ATG4B: variants seen among roughly 807,000 people sequenced by gnomAD.
ATG4B encodes the protein cysteine protease ATG4B.
A neutral mutation model predicts 56.6 loss-of-function variants in ATG4B; 29 were observed. That is an observed-to-expected ratio of 0.51 (90% CI 0.38 to 0.70). The LOEUF is 0.70. Ranked by LOEUF, ATG4B falls within the 30% of genes least tolerant of loss-of-function variation. ATG4B has a pLI of 0.00. For missense variants in ATG4B, 461 were observed against 515.5 expected, an observed-to-expected ratio of 0.89 and a Z score of 1.02; for synonymous variants, 224 against 206.1, an observed-to-expected ratio of 1.09 and a Z score of -0.74.
chr2:241,657,776 A>G (rs2068453792), intron 6 of ATG4B, among the ~76,000 whole-genome samples: 1 of 152,080 alleles, frequency 6.6e-6, no homozygotes, highest in South Asian at 2.1e-4. Context: ...GTCATCCTAG[A>G]GTCTCTTTAG....
At chr2:241,666,350 T>G (rs2125143370) in intron 7 of ATG4B, among the ~76,000 whole-genome samples, 1 of 152,350 alleles carries the variant, frequency 6.6e-6, no homozygotes, top group East Asian at 1.9e-4. Flanking sequence ...GGTACTTCTG[T>G]GATTTTCCTC....
At chr2:241,671,249 T>C in intron 11 of ATG4B, 63 bp from the exon 12 acceptor site, 3 of 1,482,264 alleles carry the variant, frequency 2.0e-6, no homozygotes, top group Non-Finnish European at 2.8e-6. Flanking sequence ...GGCTGGCCCC[T>C]TTCTCTTGGC....
At chr2:241,671,944 C>T in intron 12 of ATG4B, 1 of 1,390,660 alleles carries the variant, frequency 7.2e-7, no homozygotes, top group South Asian at 1.6e-5. Context: ...GGGACAGAGG[C>T]CCCTCAGGCC....
intron 1 of ATG4B, among the ~76,000 whole-genome samples, chr2:241,647,241 C>G (rs1022068977): frequency 3.3e-5 from 5 of 152,072 alleles, no homozygotes; most frequent in African/African-American, 7.2e-5. Flanking sequence ...ATCTTTAGTT[C>G]AAAGCTGGTG....
rs975737263 is a variant in ATG4B at position 241,651,214 on chromosome 2, A to G, written c.113-50A>G. 3.8e-5 allele frequency: 59 copies of G among 1,562,378 alleles called. No individual in the cohort carries two copies. Among genetic ancestry groups the G allele is most frequent in the Non-Finnish European group, 5.0e-5 (58 of 1,149,688 alleles). Reference sequence around the variant, plus strand: ...ACTCTGCCATAACTTGTGACTTGCAAACTTAAGGCGTTGTGTGTGTGTGTT... The same window carrying G: ...ACTCTGCCATAACTTGTGACTTGCAGACTTAAGGCGTTGTGTGTGTGTGTT... On this transcript the variant is annotated intron_variant, in intron 2 of 12. Coordinates refer to ENST00000404914, the MANE Select transcript of ATG4B (RefSeq NM_013325.5). This position sits in a 1 kb window ranked among gnomAD's most constrained non-coding sequence, Gnocchi z 4.1.
Position 241,645,010 on chromosome 2 carries a change from AAAGT to A in ATG4B, c.11-5996_11-5993del, listed in dbSNP as rs1160653605. Among the ~76,000 whole-genome samples the A allele has an allele frequency of 2.0e-5, 3 of 152,142 alleles. No homozygotes were observed. In the East Asian group the frequency reaches 5.8e-4, roughly 29 times the overall value. On this transcript the variant is annotated intron_variant, in intron 1 of 12. Coordinates refer to ENST00000404914, the MANE Select transcript of ATG4B (RefSeq NM_013325.5). ...CAAAAAAGTTATCTTCCTCCATTAT[AAAGT>A]AAGATCTGGAAGGTCAGGGAGGTCT... is the stretch of plus-strand genomic sequence containing the variant.
At chr2:241,637,891 GTGGGCGGTGGGAGC>G in intron 1 of ATG4B, 167 bp downstream of exon 1, 1 of 550,932 alleles carries the variant, frequency 1.8e-6, no homozygotes, top group Non-Finnish European at 2.7e-6. Context: ...TTGGTGGGTG[GTGGGCGGTGGGAGC>G]GGGAGGGGGA....
In ATG4B at chr2:241,666,814, C is replaced by T. The variant is rs1257136507; in HGVS notation, c.708C>T (p.Asn236=). Residue 236 remains asparagine (N), a synonymous_variant, in exon 8 of 13, where the codon AAC becomes AAT. Coordinates refer to ENST00000404914, the MANE Select transcript of ATG4B (RefSeq NM_013325.5). ...TGCGCCTGGGGCTCACGGACATCAA[C>T]GAGGCCTACGTGGAGACGCTGAAGG... The part of the protein sequence containing the change: ...IPLRLGLTDI[N]EAYVETLKHC... The T allele has an allele frequency of 6.4e-6, 10 of 1,570,134 alleles. No individual in the cohort carries two copies. The highest frequency in any genetic ancestry group is 4.7e-5 in the East Asian group (2 of 42,192).
chr2:241,667,018 A>G (rs1480108638), intron 8 of ATG4B, among the ~76,000 whole-genome samples, 180 bp downstream of exon 8: 1 of 152,164 alleles, frequency 6.6e-6, no homozygotes, highest in African/African-American at 2.4e-5. Flanking sequence ...GTCCATCAGT[A>G]GGCACGTGCT....
At chr2:241,659,243 C>A in intron 7 of ATG4B, 56 bp downstream of exon 7, 1 of 1,493,180 alleles carries the variant, frequency 6.7e-7, no homozygotes, top group Non-Finnish European at 9.3e-7. Context: ...GCAACATACA[C>A]ACTTCCTCGC....
chr2:241,660,553 A>G lies in ATG4B; in HGVS notation c.538+1366A>G, dbSNP rs140163567. Among the ~76,000 whole-genome samples the G allele has an allele frequency of 5.5e-3, 844 of 152,234 alleles. 3 individuals are homozygous for G. Among genetic ancestry groups the G allele is most frequent in the Middle Eastern group, 0.02 (6 of 294 alleles). On this transcript the variant is annotated intron_variant, in intron 7 of 12. Transcript: ENST00000404914. The stretch of plus-strand genomic sequence containing the variant: ...TTTCTTCCATCTGCCTTTTTCCTCC[A>G]TTCTGTTTCTTGAAATTTTTATAAA...
intron 1 of ATG4B, 62 bp downstream of exon 1, chr2:241,637,786 C>G: frequency 6.7e-7 from 1 of 1,497,812 alleles, no homozygotes; most frequent in South Asian, 1.3e-5. Flanking sequence ...TTGGCCTCCC[C>G]TGCTCGGGTC....
chr2:241,669,011 A>C (rs1365006154), intron 10 of ATG4B, among the ~76,000 whole-genome samples: 1 of 150,588 alleles, frequency 6.6e-6, no homozygotes, highest in African/African-American at 2.4e-5. Context: ...TCACACCTAC[A>C]TTTAAACACA....
chr2:241,662,935 C>A (rs1198335909), intron 7 of ATG4B, among the ~76,000 whole-genome samples: 2 of 152,100 alleles, frequency 1.3e-5, no homozygotes, highest in Admixed American at 6.5e-5. Context: ...ATAATCCCAA[C>A]TTCAAAACCA....
At chr2:241,669,406 G>A (rs1430675847) in intron 10 of ATG4B, among the ~76,000 whole-genome samples, 1 of 152,246 alleles carries the variant, frequency 6.6e-6, no homozygotes, top group African/African-American at 2.4e-5. Flanking sequence ...CGGTCTCTGA[G>A]CTGTGGCGCA....
chr2:241,651,150 T>C lies in ATG4B; in HGVS notation c.112+39T>C. ...TGGAGCCCACCCTGGTCTGACCGCT[T>C]GGCCTGCAGAAGCATTTTGTGATCA... On this transcript the variant is annotated intron_variant, in intron 2 of 12. Transcript: ENST00000404914. This position sits in a 1 kb window ranked among gnomAD's most constrained non-coding sequence, Gnocchi z 4.1. 1 of 1,584,318 alleles carries C rather than the reference T, an allele frequency of 6.3e-7. No homozygotes were observed. Among genetic ancestry groups the C allele is most frequent in the Non-Finnish European group, 8.6e-7 (1 of 1,160,646 alleles).
chr2:241,662,925 A>G (rs1000701168), intron 7 of ATG4B, among the ~76,000 whole-genome samples: 21 of 151,948 alleles, frequency 1.4e-4, no homozygotes, highest in African/African-American at 4.4e-4. Flanking sequence ...GCTCACGCCT[A>G]TAATCCCAAC....
chr2:241,659,565 C>G, intron 7 of ATG4B: 1 of 349,782 alleles, frequency 2.9e-6, no homozygotes, highest in Admixed American at 4.1e-5. Flanking sequence ...CTAGCTGCAC[C>G]ATCTCGAGCA....
intron 1 of ATG4B, among the ~76,000 whole-genome samples, chr2:241,644,431 A>T (rs1040484782): frequency 6.6e-6 from 1 of 152,166 alleles, no homozygotes; most frequent in Non-Finnish European, 1.5e-5. Context: ...TTTTGCACCC[A>T]TTGTGGGTTC....
Sources: allele counts gnomAD v4.1 joint callset (sites outside exome capture counted in the v4.1 genomes callset), GRCh38; gene constraint gnomAD v4.1.1; non-coding constraint Gnocchi (gnomAD v3.1); transcripts MANE v1.5; gene names NCBI Gene and HGNC (gene_info 2026-07-23, HGNC 2026-07-21).